Variants in RPH3A observed in about 807,000 individuals in gnomAD.
RPH3A encodes rabphilin-3A.
In RPH3A, 48 loss-of-function variants were observed where a neutral mutation model predicts 102.2. The observed-to-expected ratio is 0.47, with a 90% confidence interval of 0.37 to 0.60. RPH3A has a LOEUF of 0.60. RPH3A is among the 20% of genes least tolerant of loss of function. The pLI is 0.00. For missense variants in RPH3A, 781 were observed against 910.1 expected, an observed-to-expected ratio of 0.86 and a Z score of 1.83; for synonymous variants, 310 against 324.3, an observed-to-expected ratio of 0.96 and a Z score of 0.47.
intron 1 of RPH3A, among the ~76,000 whole-genome samples, chr12:112,719,546 C>T (rs1192474664): frequency 1.3e-5 from 2 of 152,102 alleles, no homozygotes; most frequent in African/African-American, 2.4e-5. Context: ...ATGGTCTTCC[C>T]CAGTAGATTG....
At chr12:112,821,891 C>A (rs739833) in intron 2 of RPH3A, among the ~76,000 whole-genome samples, 9,700 of 151,828 alleles carry the variant, frequency 0.064, 384 homozygotes, top group Middle Eastern at 0.13. Flanking sequence ...TTTTTTAATT[C>A]TTCTAATTTC....
intron 2 of RPH3A, among the ~76,000 whole-genome samples, chr12:112,804,368 T>C (rs552882509): frequency 9.2e-5 from 14 of 152,338 alleles, no homozygotes; most frequent in African/African-American, 3.1e-4. Context: ...TCCAGGTGGA[T>C]GCAAGTGGTC....
At chr12:112,631,076 T>C (rs2039800539) in intron 1 of RPH3A, among the ~76,000 whole-genome samples, 1 of 152,080 alleles carries the variant, frequency 6.6e-6, no homozygotes, top group South Asian at 2.1e-4. Context: ...CATCTATCTG[T>C]AGAGTTTTTA....
chr12:112,645,399 T>TA (rs1165655773), intron 1 of RPH3A, among the ~76,000 whole-genome samples: 32 of 152,350 alleles, frequency 2.1e-4, no homozygotes, highest in African/African-American at 7.5e-4. Context: ...TTCTGGGGTA[T>TA]AAATCACCCA....
chr12:112,701,628 T>C lies in RPH3A; in HGVS notation c.-139-90515T>C, dbSNP rs574045621. Among the ~76,000 whole-genome samples, 11 of 152,278 alleles carry C rather than the reference T, an allele frequency of 7.2e-5. No individual in the cohort carries two copies. The East Asian group carries it at 7.7e-4, about 11-fold the overall frequency. On this transcript the variant is annotated intron_variant, in intron 1 of 21. Transcript: ENST00000543106. ...TGGAGTGGGTTATTTCAATCTTATATTGGGGAGTGATAGAGATGGTAAGAT... is the reference window on the plus strand; with the variant it reads ...TGGAGTGGGTTATTTCAATCTTATACTGGGGAGTGATAGAGATGGTAAGAT...
At chr12:112,868,196 C>G in intron 7 of RPH3A, 2 of 481,140 alleles carry the variant, frequency 4.2e-6, no homozygotes, top group Non-Finnish European at 7.3e-6. Context: ...TCCCCTTTCT[C>G]CATCCAAACT....
At position 112,815,471 on chromosome 12, in the gene RPH3A, A is replaced by G. The variant is rs557137407; in HGVS notation, c.-18-12830A>G. Among the ~76,000 whole-genome samples, 22 of 152,332 alleles carry G rather than the reference A, an allele frequency of 1.4e-4. No individual in the cohort carries two copies. In the South Asian group the frequency reaches 3.1e-3, roughly 22 times the overall value. ...TCCTGGCCTATAAAATGGGAATGCT[A>G]TGTCTCCCATCTAAAATTTGTGAAA... On this transcript the variant is annotated intron_variant, in intron 2 of 21. Coordinates refer to ENST00000389385, the MANE Select transcript of RPH3A (RefSeq NM_001143854.2).
intron 5 of RPH3A, among the ~76,000 whole-genome samples, chr12:112,849,732 A>G (rs1239815980): frequency 1.3e-5 from 2 of 152,240 alleles, no homozygotes. Context: ...TGTTGAGTGA[A>G]TGAATGAACA....
rs1006050334 is a variant in RPH3A, at chr12:112,894,610, A to G, written c.1808A>G (p.Lys603Arg). Residue 603 changes from lysine to arginine, a missense_variant, in exon 20 of 22, where the codon AAA becomes AGA. Physicochemically the swap from Lys to Arg is conservative, Grantham distance 26. Transcript: ENST00000389385. ...AAACCGGACATGGGAAAGAAGGCCA[A>G]ACACAAGACTCAAATTAAAAAGAAA... ...WLKPDMGKKAKHKTQIKKKTL... is the reference protein window; with the variant it reads ...WLKPDMGKKARHKTQIKKKTL... 6.2e-7 allele frequency: 1 copy of G among 1,614,058 alleles called. No individual in the cohort carries two copies. The highest frequency in any genetic ancestry group is 8.5e-7 in the Non-Finnish European group (1 of 1,179,976).
intron 2 of RPH3A, among the ~76,000 whole-genome samples, chr12:112,821,207 G>A (rs867611512): frequency 2.0e-5 from 3 of 152,186 alleles, no homozygotes; most frequent in Non-Finnish European, 2.9e-5. Flanking sequence ...GCAGGAGGTC[G>A]CCGTCTTTCT....
chr12:112,579,148 C>T (rs1258922587), intron 1 of RPH3A, among the ~76,000 whole-genome samples: 1 of 152,092 alleles, frequency 6.6e-6, no homozygotes, highest in Non-Finnish European at 1.5e-5. Flanking sequence ...AATGCCTGCC[C>T]TGGTATTTAT....
At chr12:112,660,631 G>A (rs899207785) in intron 1 of RPH3A, among the ~76,000 whole-genome samples, 1 of 152,176 alleles carries the variant, frequency 6.6e-6, no homozygotes, top group African/African-American at 2.4e-5. Context: ...GCTATACTGA[G>A]CTATGATTTC....
chr12:112,869,916 G>A lies in RPH3A; in HGVS notation c.673G>A (p.Gly225Arg), dbSNP rs139152687. 17 of 1,613,960 alleles carry A rather than the reference G, an allele frequency of 1.1e-5. No individual in the cohort carries two copies. The highest frequency in any genetic ancestry group is 2.2e-5 in the East Asian group (1 of 44,860). The change falls in exon 10 of 22, where the codon GGG (glycine) becomes AGG (arginine). Residue 225 changes from glycine (G) to arginine (R), a missense_variant. Gly to Arg is a moderately radical substitution (Grantham distance 125, BLOSUM62 -2). Transcript: ENST00000389385. ...AGGCCCTGACCCAGCCTCTGCTCCC[G>A]GGCGAGGAAACTATGGGCCTCCCGT... Reference protein sequence around the residue: ...KTGPDPASAPGRGNYGPPVRR... With the variant: ...KTGPDPASAPRRGNYGPPVRR...
chr12:112,843,479 A>T (rs2042179628), intron 4 of RPH3A, among the ~76,000 whole-genome samples: 2 of 152,146 alleles, frequency 1.3e-5, no homozygotes, highest in African/African-American at 4.8e-5. Context: ...GGAGGCAATT[A>T]TCCTAGGCGG....
chr12:112,611,971 C>T (rs1034286462), intron 1 of RPH3A, among the ~76,000 whole-genome samples: 4 of 152,276 alleles, frequency 2.6e-5, no homozygotes, highest in East Asian at 1.9e-4. Context: ...TAGGCACATC[C>T]GCCAGAATTT....
At chr12:112,737,186 A>G (rs1224865746) in intron 1 of RPH3A, among the ~76,000 whole-genome samples, 2 of 151,734 alleles carry the variant, frequency 1.3e-5, no homozygotes, top group East Asian at 3.9e-4. Flanking sequence ...AAAAAAAAAC[A>G]AACAAAAGCT....
At chr12:112,791,304 A>T (rs1327246731), upstream of RPH3A, 1 of 152,314 alleles carries the variant, frequency 6.6e-6, no homozygotes, top group African/African-American at 2.4e-5. Context: ...GAGAGGAGCA[A>T]TGCAGGACTG....
At chr12:112,829,424 C>A (rs2041933132) in intron 3 of RPH3A, among the ~76,000 whole-genome samples, 1 of 151,994 alleles carries the variant, frequency 6.6e-6, no homozygotes, top group African/African-American at 2.4e-5. Context: ...GCATGCACCA[C>A]CACGCCTGGC....
At chr12:112,580,738 G>A (rs529166534) in intron 1 of RPH3A, among the ~76,000 whole-genome samples, 172 of 152,184 alleles carry the variant, frequency 1.1e-3, no homozygotes, top group Non-Finnish European at 2.2e-3. Flanking sequence ...ATTTGAGGGC[G>A]GGGGCGAGGT....
Sources: gnomAD v4.1 joint callset for allele counts (sites outside exome capture counted in the v4.1 genomes callset) on GRCh38, gnomAD v4.1.1 for gene constraint, MANE v1.5 for transcripts, NCBI Gene and HGNC (gene_info 2026-07-23, HGNC 2026-07-21) for gene names.